The following CDH23 variants were observed in gnomAD, a reference collection of about 807,000 sequenced individuals.
CDH23 encodes the protein cadherin-23.
In CDH23, 189 loss-of-function variants were observed where a neutral mutation model predicts 317.1. That is an observed-to-expected ratio of 0.60 (90% CI 0.53 to 0.67). CDH23 has a LOEUF of 0.67. Ranked by LOEUF, CDH23 falls within the 30% of genes least tolerant of loss-of-function variation. The probability of loss-of-function intolerance (pLI) is 0.00; values close to 1 mark genes in which losing one functional copy is unlikely to be tolerated. For synonymous variants in CDH23, 1,839 were observed against 1,876.8 expected, an observed-to-expected ratio of 0.98 and a Z score of 0.52; for missense variants, 4,401 against 4,592.4, an observed-to-expected ratio of 0.96 and a Z score of 1.20.
At chr10:71,589,169 G>C (rs1859289011) in intron 9 of CDH23, among the ~76,000 whole-genome samples, 1 of 152,092 alleles carries the variant, frequency 6.6e-6, no homozygotes, top group South Asian at 2.1e-4. Flanking sequence ...ACTCAGGCTG[G>C]AGTGCAGTGG....
chr10:71,754,231 G>A (rs1358202114), intron 38 of CDH23, among the ~76,000 whole-genome samples: 1 of 152,162 alleles, frequency 6.6e-6, no homozygotes, highest in Non-Finnish European at 1.5e-5. Flanking sequence ...ATTCCTGCAG[G>A]TAGGTTGTGG....
intron 3 of CDH23, among the ~76,000 whole-genome samples, chr10:71,457,598 A>G (rs1244713482): frequency 6.6e-6 from 1 of 152,106 alleles, no homozygotes; most frequent in African/African-American, 2.4e-5. Context: ...GCTGCTCCTA[A>G]GGAGGGGAGG....
At chr10:71,747,802 A>G (rs919914071) in intron 38 of CDH23, 1 of 152,278 alleles carries the variant, frequency 6.6e-6, no homozygotes, top group Non-Finnish European at 1.5e-5. Context: ...ATGGCTATCT[A>G]TCTCGGCACT....
At chr10:71,807,206 G>T in intron 57 of CDH23, 71 bp from the exon 58 acceptor site, 1 of 1,575,074 alleles carries the variant, frequency 6.3e-7, no homozygotes, top group Non-Finnish European at 8.7e-7. Flanking sequence ...ACTGCCCAGG[G>T]CCCTGAAACA....
chr10:71,508,943 C>T (rs1380740411), intron 3 of CDH23, among the ~76,000 whole-genome samples: 1 of 152,200 alleles, frequency 6.6e-6, no homozygotes, highest in African/African-American at 2.4e-5. Context: ...TGCTTCAGTC[C>T]TGGGCAAAGC....
chr10:71,760,221 GTA>G lies in CDH23; in HGVS notation c.4846-17451_4846-17450del, dbSNP rs539434553. Among the ~76,000 whole-genome samples, 13 of 27,080 alleles carry G rather than the reference GTA, an allele frequency of 4.8e-4. 3 individuals carry two copies. The East Asian group carries it at 9.3e-3, about 19-fold the overall frequency. 17.8% of individuals were successfully genotyped at this position (27,080 alleles called of 152,430 possible). On this transcript the variant is annotated intron_variant, in intron 38 of 69. Transcript: ENST00000224721. Reference sequence around the variant, plus strand: ...TACATATATATGTGTGTATATATGTGTATATATATGTATATACATATATATGT... The same window carrying G: ...TACATATATATGTGTGTATATATGTGTATATATGTATATACATATATATGT...
chr10:71,702,227 G>A lies in CDH23; in HGVS notation c.2587+16G>A, dbSNP rs373063286. The A allele has an allele frequency of 5.5e-5, 89 of 1,608,170 alleles. No individual in the cohort carries two copies. The highest frequency in any genetic ancestry group is 4.9e-4 in the Middle Eastern group (3 of 6,070). On this transcript the variant is annotated intron_variant, in intron 23 of 69. Coordinates refer to ENST00000224721, the MANE Select transcript of CDH23 (RefSeq NM_022124.6). ...GTTACTGACTGTATGGACCCCTCTC[G>A]CCCCTCACGGCCCCCACACCTTAGG...
intron 3 of CDH23, among the ~76,000 whole-genome samples, chr10:71,492,558 G>A (rs1852722009): frequency 6.6e-6 from 1 of 152,184 alleles, no homozygotes. Flanking sequence ...GGAGTCCTTG[G>A]TGTGGCTTTT....
At chr10:71,614,584 C>T (rs935529447) in intron 9 of CDH23, among the ~76,000 whole-genome samples, 9 of 152,312 alleles carry the variant, frequency 5.9e-5, no homozygotes, top group South Asian at 4.2e-4. Context: ...ATCCAATGAA[C>T]ACCCAATAAT....
At chr10:71,681,713 G>A (rs1269438122) in intron 17 of CDH23, among the ~76,000 whole-genome samples, 3 of 152,218 alleles carry the variant, frequency 2.0e-5, no homozygotes, top group Non-Finnish European at 2.9e-5. Context: ...GAGGCGGGAG[G>A]ATTGCTTGAA....
intron 12 of CDH23, among the ~76,000 whole-genome samples, chr10:71,644,492 C>G (rs910996017): frequency 3.3e-5 from 5 of 152,238 alleles, no homozygotes; most frequent in African/African-American, 1.2e-4. Flanking sequence ...TGTGAACTCT[C>G]AGGCTTCACT....
intron 9 of CDH23, among the ~76,000 whole-genome samples, chr10:71,598,982 C>A (rs1860040508): frequency 6.6e-6 from 1 of 152,198 alleles, no homozygotes; most frequent in Non-Finnish European, 1.5e-5. Flanking sequence ...TGGAGGCAGG[C>A]TGCCGGGATG....
In CDH23 at chr10:71,511,019, C is replaced by T. The variant is rs750023471; in HGVS notation, c.336+18C>T. 1.9e-6 allele frequency: 3 copies of T among 1,613,354 alleles called. No individual in the cohort carries two copies. Among genetic ancestry groups the T allele is most frequent in the East Asian group, 2.2e-5 (1 of 44,878 alleles). Reference sequence around the variant, plus strand: ...ACCAGGGGGTGAGTGTTCCCTGGGGCCCTGGAGGCATGTTCCTGGGGTCAC... The same window carrying T: ...ACCAGGGGGTGAGTGTTCCCTGGGGTCCTGGAGGCATGTTCCTGGGGTCAC... On this transcript the variant is annotated intron_variant, in intron 5 of 69. Transcript: ENST00000224721.
intron 15 of CDH23, among the ~76,000 whole-genome samples, chr10:71,676,172 G>T (rs1047197491): frequency 1.3e-5 from 2 of 150,890 alleles, no homozygotes; most frequent in Admixed American, 1.3e-4. Flanking sequence ...CCTCCCAAGT[G>T]CTGGGATTAC....
Position 71,511,124 on chromosome 10 carries a change from T to C in CDH23, c.341T>C (p.Ile114Thr), listed in dbSNP as rs879156976. 1 of 1,613,380 alleles carries C rather than the reference T, an allele frequency of 6.2e-7. No individual in the cohort carries two copies. The highest frequency in any genetic ancestry group is 1.1e-5 in the South Asian group (1 of 91,054). Residue 114 changes from isoleucine (I) to threonine (T), a missense_variant, in exon 6 of 70, where the codon ATC (isoleucine) becomes ACC (threonine). By Grantham distance (89) the Ile-to-Thr change is moderately conservative. Around this residue, in one of 3 missense-constraint regions of CDH23, gnomAD observed 3,068 missense variants for 3,203.3 expected, o/e 0.96. Coordinates refer to ENST00000224721, the MANE Select transcript of CDH23 (RefSeq NM_022124.6). ...EFSVSDHQGV[I>T]TRKVNIQVGD... The stretch of plus-strand genomic sequence containing the variant: ...TGCCCGCCTTTCTCTTGCCAGGTGA[T>C]CACACGGAAGGTGAACATCCAGGTT...
chr10:71,671,416 G>T (rs191701645), intron 14 of CDH23, among the ~76,000 whole-genome samples: 20 of 152,278 alleles, frequency 1.3e-4, no homozygotes, highest in Admixed American at 6.5e-4. Context: ...TGCAGGGAAG[G>T]GGGTGTTTGC....
intron 11 of CDH23, among the ~76,000 whole-genome samples, chr10:71,643,559 GC>G (rs5786045): frequency 2.6e-5 from 4 of 151,136 alleles, no homozygotes; most frequent in Middle Eastern, 3.2e-3. Context: ...AGGAGCCCTT[GC>G]CCCCCCCTCA....
In CDH23 at chr10:71,591,287, C is replaced by T. The variant is rs116972969; in HGVS notation, c.832+13295C>T. 3.7e-4 allele frequency among the ~76,000 whole-genome samples: 57 copies of T among 152,262 alleles called. 1 individual carries two copies. In the East Asian group the frequency reaches 9.3e-3, roughly 25 times the overall value. On this transcript the variant is annotated intron_variant, in intron 9 of 69. Transcript: ENST00000224721. ...GATTTTAAGTGGTGCATGGATGGGG[C>T]GTGAAATAACATTGAATCACACAAA...
chr10:71,547,831 A>C (rs989103915), intron 6 of CDH23, among the ~76,000 whole-genome samples: 1 of 152,218 alleles, frequency 6.6e-6, no homozygotes, highest in African/African-American at 2.4e-5. Flanking sequence ...ACTCCTGCAG[A>C]GGCATCAAGT....
Sources: gnomAD v4.1 joint callset for allele counts (sites outside exome capture counted in the v4.1 genomes callset) on GRCh38, gnomAD v4.1.1 for gene constraint, gnomAD v4.1.1 regional missense constraint, MANE v1.5 for transcripts, NCBI Gene and HGNC (gene_info 2026-07-23, HGNC 2026-07-21) for gene names.